The following KLRG1 variants were observed in gnomAD, a reference collection of about 807,000 sequenced individuals.
KLRG1 encodes the protein killer cell lectin-like receptor subfamily G member 1.
In KLRG1, 16 loss-of-function variants were observed where a neutral mutation model predicts 21.8. That is an observed-to-expected ratio of 0.73 (90% CI 0.50 to 1.11). The LOEUF (loss-of-function observed/expected upper bound fraction) is 1.11, where lower values mean the gene tolerates loss of function less well. Among genes scored for constraint, KLRG1 ranks in the 50% most tolerant of loss-of-function variants. The pLI is 0.00. For missense variants in KLRG1, 173 were observed against 218.3 expected (o/e 0.79, Z 1.31); for synonymous variants, 69 against 75.9 (o/e 0.91, Z 0.47).
At chr12:9,095,459 G>T in the KLRG1 span, 2 of 1,348,138 alleles carry the variant, frequency 1.5e-6, no homozygotes, top group Non-Finnish European at 1.0e-6. Context: ...GGACATGAAG[G>T]CATTCAAATA....
chr12:9,066,433 G>C, the KLRG1 span: 1 of 152,570 alleles, frequency 6.6e-6, no homozygotes, highest in Admixed American at 6.5e-5. Context: ...GCCTGTGCTG[G>C]CACCTGGAGC....
chr12:9,155,929 A>G, the KLRG1 span: 16,544 of 160,766 alleles, frequency 0.1, 1,146 homozygotes, highest in African/African-American at 0.2. Context: ...GAGTCACACC[A>G]TCCTCATGGT....
At chr12:9,079,073 G>C in the KLRG1 span, among the ~76,000 whole-genome samples, 1 of 151,692 alleles carries the variant, frequency 6.6e-6, no homozygotes, top group Non-Finnish European at 1.5e-5. Context: ...CATGTATTTG[G>C]ATATCAGGTT....
the KLRG1 span, among the ~76,000 whole-genome samples, chr12:9,071,128 G>A: frequency 6.6e-6 from 1 of 152,128 alleles, no homozygotes; most frequent in Non-Finnish European, 1.5e-5. Flanking sequence ...CTGAGGATCT[G>A]CATTTTAAGA....
the KLRG1 span, among the ~76,000 whole-genome samples, chr12:9,056,139 C>A: frequency 1.3e-5 from 2 of 152,162 alleles, no homozygotes; most frequent in Non-Finnish European, 2.9e-5. Context: ...AAATTTGCTT[C>A]ATCTGAAACA....
upstream of KLRG1, among the ~76,000 whole-genome samples, chr12:8,988,634 A>G (rs1946885630): frequency 1.3e-5 from 2 of 152,058 alleles, no homozygotes; most frequent in Non-Finnish European, 2.9e-5. Context: ...TAGATAGAGT[A>G]CAATGGTGCA....
the KLRG1 span, chr12:9,163,889 AG>A: frequency 2.8e-6 from 4 of 1,417,574 alleles, no homozygotes; most frequent in Non-Finnish European, 3.8e-6. Context: ...ATAGAAAATA[AG>A]GCTAAAAAAA....
the KLRG1 span, chr12:9,098,761 GA>G: frequency 1.2e-6 from 2 of 1,612,006 alleles, no homozygotes; most frequent in South Asian, 1.1e-5. Context: ...ATCCACCTGT[GA>G]AATTGGAACA....
chr12:9,152,642 A>C, the KLRG1 span, among the ~76,000 whole-genome samples: 1 of 152,224 alleles, frequency 6.6e-6, no homozygotes, highest in Non-Finnish European at 1.5e-5. Flanking sequence ...AGTATATATT[A>C]CTTTTATATT....
chr12:8,991,544 G>C (rs1267377305), intron 1 of KLRG1, among the ~76,000 whole-genome samples: 1 of 151,918 alleles, frequency 6.6e-6, no homozygotes, highest in Admixed American at 6.6e-5. Context: ...CCATTCCAGA[G>C]GCAAACAATG....
chr12:9,200,411 C>T, the KLRG1 span: 61 of 1,611,412 alleles, frequency 3.8e-5, no homozygotes, highest in Non-Finnish European at 4.8e-5. Context: ...TACTGATTAT[C>T]TTTGGCACCT....
chr12:9,079,304 T>C, the KLRG1 span: 1 of 1,613,700 alleles, frequency 6.2e-7, no homozygotes, highest in African/African-American at 1.3e-5. Context: ...GCCATCATAG[T>C]GTTTGTAGTT....
chr12:9,164,414 A>G, the KLRG1 span, among the ~76,000 whole-genome samples: 1 of 152,246 alleles, frequency 6.6e-6, no homozygotes, highest in Non-Finnish European at 1.5e-5. Flanking sequence ...GAAGCATGGC[A>G]ATGGCAATGA....
At chr12:9,203,588 G>T in the KLRG1 span, among the ~76,000 whole-genome samples, 1 of 152,012 alleles carries the variant, frequency 6.6e-6, no homozygotes, top group African/African-American at 2.4e-5. Flanking sequence ...TGATCTGCCC[G>T]CCTTGGCTTC....
At chr12:9,187,374 A>C in the KLRG1 span, among the ~76,000 whole-genome samples, 1 of 152,144 alleles carries the variant, frequency 6.6e-6, no homozygotes, top group Non-Finnish European at 1.5e-5. Flanking sequence ...AAACAACAAC[A>C]CATACATTCT....
At chr12:8,969,122 G>C (rs1946526375) in intron 1 of KLRG1, among the ~76,000 whole-genome samples, 2 of 152,168 alleles carry the variant, frequency 1.3e-5, no homozygotes, top group South Asian at 4.1e-4. Flanking sequence ...AGTGGTTGAG[G>C]GGCCTCTGAG....
the KLRG1 span, among the ~76,000 whole-genome samples, chr12:9,146,840 G>C: frequency 6.6e-6 from 1 of 152,166 alleles, no homozygotes; most frequent in Non-Finnish European, 1.5e-5. Context: ...GGACCCATCA[G>C]AACTACCTGA....
chr12:8,983,083 T>G (rs1463732082), intron 1 of KLRG1, among the ~76,000 whole-genome samples: 1 of 152,232 alleles, frequency 6.6e-6, no homozygotes, highest in Non-Finnish European at 1.5e-5. Context: ...TTTTTTAAAA[T>G]GATTTGCCTT....
chr12:9,051,074 TG>T, the KLRG1 span, among the ~76,000 whole-genome samples: 1 of 152,186 alleles, frequency 6.6e-6, no homozygotes, highest in Non-Finnish European at 1.5e-5. Flanking sequence ...GGACTTGTAG[TG>T]CCTCTTCCTG....
Sources: allele counts gnomAD v4.1 joint callset (sites outside exome capture counted in the v4.1 genomes callset), GRCh38; gene constraint gnomAD v4.1.1; transcripts MANE v1.5; gene names NCBI Gene and HGNC (gene_info 2026-07-23, HGNC 2026-07-21).